STXBP5: variants seen among roughly 807,000 people sequenced by gnomAD.
The protein encoded by STXBP5 is syntaxin binding protein 5.
STXBP5 carries 50 observed loss-of-function variants against 152.4 expected under a neutral mutation model. The ratio of observed to expected loss-of-function variants is 0.33; its 90% CI spans 0.26 to 0.42. The LOEUF (loss-of-function observed/expected upper bound fraction) is 0.42, where lower values mean the gene tolerates loss of function less well. Among genes scored for constraint, STXBP5 ranks in the 10% least tolerant of loss-of-function variants. STXBP5 has a pLI of 1.00. For synonymous variants in STXBP5, 492 were observed against 494.7 expected, an observed-to-expected ratio of 0.99 and a Z score of 0.07; for missense variants, 1,167 against 1,388.6, an observed-to-expected ratio of 0.84 and a Z score of 2.54.
At chr6:147,285,403 C>T (rs1780910854) in intron 8 of STXBP5, among the ~76,000 whole-genome samples, 1 of 151,664 alleles carries the variant, frequency 6.6e-6, no homozygotes, top group Non-Finnish European at 1.5e-5. Flanking sequence ...AATAAATAAA[C>T]CTATCTAGAC....
chr6:147,252,701 A>T (rs1331795833), intron 4 of STXBP5, among the ~76,000 whole-genome samples: 1 of 152,184 alleles, frequency 6.6e-6, no homozygotes. Flanking sequence ...ACAAGCCAAC[A>T]TTCAAATTCA....
intron 2 of STXBP5, among the ~76,000 whole-genome samples, chr6:147,226,195 C>T (rs1042006123): frequency 6.6e-6 from 1 of 151,580 alleles, no homozygotes; most frequent in African/African-American, 2.4e-5. Flanking sequence ...CCCAGCTGCT[C>T]TGGAGGCTGA....
At chr6:147,249,178 A>C (rs528298971) in intron 4 of STXBP5, among the ~76,000 whole-genome samples, 7 of 152,242 alleles carry the variant, frequency 4.6e-5, no homozygotes, top group African/African-American at 1.4e-4. Context: ...AAGTGACTGC[A>C]CCTCTAACCT....
intron 21 of STXBP5, among the ~76,000 whole-genome samples, chr6:147,352,096 G>A (rs1313753348): frequency 6.6e-6 from 1 of 152,142 alleles, no homozygotes; most frequent in Admixed American, 6.6e-5. Context: ...TTTTGAGGAT[G>A]GAAAGTGGAT....
chr6:147,367,323 T>C (rs1260533724), intron 25 of STXBP5, among the ~76,000 whole-genome samples: 1 of 152,120 alleles, frequency 6.6e-6, no homozygotes, highest in Admixed American at 6.5e-5. Context: ...CTCAATGCAA[T>C]GATGTCAACT....
At chr6:147,326,308 C>G (rs560560549) in intron 17 of STXBP5, among the ~76,000 whole-genome samples, 10 of 152,322 alleles carry the variant, frequency 6.6e-5, no homozygotes, top group African/African-American at 1.9e-4. Flanking sequence ...ACAGACCTCA[C>G]TAGGCTTACA....
intron 10 of STXBP5, among the ~76,000 whole-genome samples, chr6:147,310,708 TATGTTGCA>T (rs1782328036): frequency 6.6e-6 from 1 of 152,166 alleles, no homozygotes; most frequent in South Asian, 2.1e-4. Context: ...ACATGGTTTC[TATGTTGCA>T]ATCTTGAGGC....
In STXBP5 at chr6:147,382,798, A is replaced by G; in HGVS notation, c.3214A>G (p.Lys1072Glu). 1 of 1,613,372 alleles carries G rather than the reference A, an allele frequency of 6.2e-7. No individual in the cohort carries two copies. The highest frequency in any genetic ancestry group is 8.5e-7 in the Non-Finnish European group (1 of 1,179,496). ...TTCAGTTGGAGAATCGTCCTCAGGA[A>G]AGGCTTCAAGGAGCCTTGCACAGCA... ...EELFGESSSGKASRSLAQHIP... is the reference protein window; with the variant it reads ...EELFGESSSGEASRSLAQHIP... The change falls in exon 27 of 28, where the codon AAG becomes GAG. Residue 1072 changes from lysine (K) to glutamate (E), a missense_variant. By Grantham distance (56) the Lys-to-Glu change is moderately conservative. Transcript: ENST00000321680.
chr6:147,356,440 A>T (rs1472281388), intron 22 of STXBP5, among the ~76,000 whole-genome samples: 1 of 151,810 alleles, frequency 6.6e-6, no homozygotes, highest in Non-Finnish European at 1.5e-5. Flanking sequence ...TAACTTTGGA[A>T]ACCATAAAGA....
intron 21 of STXBP5, among the ~76,000 whole-genome samples, chr6:147,342,353 T>A (rs1015577501): frequency 1.1e-4 from 17 of 152,106 alleles, no homozygotes; most frequent in African/African-American, 3.6e-4. Flanking sequence ...CTTCATAGTT[T>A]ATTTCCTGAT....
intron 9 of STXBP5, among the ~76,000 whole-genome samples, chr6:147,298,828 C>A (rs1033949075): frequency 6.6e-6 from 1 of 151,964 alleles, no homozygotes; most frequent in Non-Finnish European, 1.5e-5. Flanking sequence ...ACAGCAAAAG[C>A]AGTCCTAAGA....
At chr6:147,355,748 A>T (rs1044893835) in intron 22 of STXBP5, among the ~76,000 whole-genome samples, 3 of 152,062 alleles carry the variant, frequency 2.0e-5, no homozygotes, top group Non-Finnish European at 2.9e-5. Flanking sequence ...ATTCAATAAA[A>T]TGATAAATGT....
intron 2 of STXBP5, among the ~76,000 whole-genome samples, chr6:147,225,876 A>G (rs190460807): frequency 6.6e-6 from 1 of 152,328 alleles, no homozygotes; most frequent in East Asian, 1.9e-4. Context: ...TGGGCTGGAA[A>G]TGTAATTTAT....
chr6:147,226,893 T>C (rs145456123), intron 2 of STXBP5, among the ~76,000 whole-genome samples: 16 of 152,148 alleles, frequency 1.1e-4, no homozygotes, highest in Admixed American at 8.5e-4. Context: ...CTTTACCTCC[T>C]AGGAGCTACT....
intron 16 of STXBP5, among the ~76,000 whole-genome samples, chr6:147,323,083 T>C (rs997909824): frequency 6.6e-6 from 1 of 151,876 alleles, no homozygotes; most frequent in Non-Finnish European, 1.5e-5. Context: ...TGTCTGATTG[T>C]ACATTCACTG....
chr6:147,327,424 G>A (rs1191141028), intron 18 of STXBP5, 148 bp downstream of exon 18: 21 of 998,216 alleles, frequency 2.1e-5, no homozygotes, highest in Admixed American at 1.6e-4. Context: ...AAAGTTGTGA[G>A]TCTTATTTTT....
intron 4 of STXBP5, among the ~76,000 whole-genome samples, chr6:147,248,779 A>G (rs906207802): frequency 6.6e-6 from 1 of 152,212 alleles, no homozygotes; most frequent in African/African-American, 2.4e-5. Context: ...ATTTTGCCAG[A>G]TGTATTTCAG....
chr6:147,258,041 C>T (rs904085174), intron 4 of STXBP5, among the ~76,000 whole-genome samples: 1 of 152,208 alleles, frequency 6.6e-6, no homozygotes, highest in Non-Finnish European at 1.5e-5. Flanking sequence ...TGGGCTTCAT[C>T]ACATGGCACT....
chr6:147,368,452 T>A (rs889167821), intron 25 of STXBP5, among the ~76,000 whole-genome samples: 1 of 152,072 alleles, frequency 6.6e-6, no homozygotes, highest in Non-Finnish European at 1.5e-5. Context: ...TTTTTAAAAA[T>A]CTCTACAAAC....
Sources: allele counts gnomAD v4.1 joint callset (sites outside exome capture counted in the v4.1 genomes callset), GRCh38; gene constraint gnomAD v4.1.1; transcripts MANE v1.5; gene names NCBI Gene and HGNC (gene_info 2026-07-23, HGNC 2026-07-21).